Variants in TBX15 observed in about 807,000 individuals in gnomAD.
TBX15 encodes T-box transcription factor TBX15.
Under a neutral mutation model 53.9 loss-of-function variants are expected in TBX15, and 18 were observed. The observed-to-expected ratio is 0.33, with a 90% CI of 0.23 to 0.49. The LOEUF (loss-of-function observed/expected upper bound fraction) is 0.49, where lower values mean the gene tolerates loss of function less well. Among genes scored for constraint, TBX15 ranks in the 20% least tolerant of loss-of-function variants. TBX15 has a pLI of 0.98. For synonymous variants in TBX15, 295 were observed against 278.0 expected, an observed-to-expected ratio of 1.06 and a Z score of -0.61; for missense variants, 692 against 749.5, an observed-to-expected ratio of 0.92 and a Z score of 0.90.
intron 1 of TBX15, among the ~76,000 whole-genome samples, chr1:118,942,169 C>T (rs1022147684): frequency 3.3e-5 from 5 of 152,046 alleles, no homozygotes; most frequent in Admixed American, 2.6e-4. Context: ...GATGCAAAGG[C>T]AGAAATGGGG....
intron 6 of TBX15, among the ~76,000 whole-genome samples, chr1:118,908,438 T>C (rs1654914547): frequency 6.7e-6 from 1 of 150,292 alleles, no homozygotes; most frequent in Non-Finnish European, 1.5e-5. Context: ...AACAGGCAAG[T>C]GTTACTGTCT....
intron 5 of TBX15, among the ~76,000 whole-genome samples, chr1:118,916,689 C>T (rs1361563453): frequency 1.3e-5 from 2 of 151,932 alleles, no homozygotes; most frequent in East Asian, 1.9e-4. Flanking sequence ...CATGATGAAA[C>T]ACCATCTCTA....
intron 1 of TBX15, among the ~76,000 whole-genome samples, chr1:118,947,733 T>C (rs1252091858): frequency 6.6e-6 from 1 of 152,218 alleles, no homozygotes; most frequent in Non-Finnish European, 1.5e-5. Flanking sequence ...ATACTTGCAG[T>C]GCCCATTAGA....
upstream of TBX15, among the ~76,000 whole-genome samples, chr1:118,989,105 G>C (rs1657952413): frequency 6.6e-6 from 1 of 152,212 alleles, no homozygotes; most frequent in Non-Finnish European, 1.5e-5. Flanking sequence ...CGCTTCGCCT[G>C]TTCCGGGCTC....
intron 1 of TBX15, among the ~76,000 whole-genome samples, chr1:118,943,007 A>T (rs747447973): frequency 6.6e-6 from 1 of 152,176 alleles, no homozygotes; most frequent in Non-Finnish European, 1.5e-5. Context: ...AAAGATTACA[A>T]ACCTCCTTTA....
chr1:118,895,496 A>T (rs1429248055), intron 7 of TBX15, among the ~76,000 whole-genome samples: 1 of 152,154 alleles, frequency 6.6e-6, no homozygotes, highest in Admixed American at 6.5e-5. Context: ...CAACAACAGG[A>T]TTGCATTGTA....
chr1:118,954,859 T>A lies in TBX15; in HGVS notation c.206-23027A>T, dbSNP rs1656628861. Among the ~76,000 whole-genome samples, 2 of 152,198 alleles carry A rather than the reference T, an allele frequency of 1.3e-5. 1 individual carries two copies. Among genetic ancestry groups the A allele is most frequent in the South Asian group, 4.1e-4 (2 of 4,836 alleles). ...CAGCTGGAAGCACTGCATGATTTTA[T>A]AGGCCCTTGTTGAGCATACCCCTCA... On this transcript the variant is annotated intron_variant, in intron 1 of 7. Transcript: ENST00000369429.
At chr1:118,908,784 A>C (rs1224132110) in intron 6 of TBX15, among the ~76,000 whole-genome samples, 1 of 151,742 alleles carries the variant, frequency 6.6e-6, no homozygotes, top group African/African-American at 2.4e-5. Flanking sequence ...ACACACTCAC[A>C]CATATATAGG....
chr1:118,885,145 C>A lies in TBX15; in HGVS notation c.1396G>T (p.Gly466Cys). 1 of 1,614,158 alleles carries A rather than the reference C, an allele frequency of 6.2e-7. No homozygotes were observed. Among genetic ancestry groups the A allele is most frequent in the African/African-American group, 1.3e-5 (1 of 75,036 alleles). ...GTGGGAAAGGACCCCAGCTGGCCAC[C>A]GTAGGCTTCCATCTTGCTGTTGCCA... ...LPGNSKMEAY[G>C]GQLGSFPTSQ... is the part of the protein sequence containing the mutation. The change falls in exon 8 of 8, where the codon GGT becomes TGT. Residue 466 changes from glycine (G) to cysteine (C), a missense_variant. Gly to Cys is a radical substitution (Grantham distance 159). Transcript: ENST00000369429.
intron 6 of TBX15, among the ~76,000 whole-genome samples, chr1:118,902,450 A>C (rs555533248): frequency 1.3e-4 from 20 of 152,278 alleles, no homozygotes; most frequent in African/African-American, 4.8e-4. Context: ...ATCTCAAATG[A>C]TATGCATTGA....
chr1:118,905,374 A>G (rs1240222412), intron 6 of TBX15, among the ~76,000 whole-genome samples: 1 of 152,236 alleles, frequency 6.6e-6, no homozygotes, highest in Non-Finnish European at 1.5e-5. Flanking sequence ...ATGATCGCCA[A>G]TTTTCTCTGG....
At chr1:118,942,066 A>G (rs1656194765) in intron 1 of TBX15, among the ~76,000 whole-genome samples, 1 of 152,224 alleles carries the variant, frequency 6.6e-6, no homozygotes, top group African/African-American at 2.4e-5. Flanking sequence ...TATCTAAGAG[A>G]AATGGCAACA....
At chr1:118,979,007 C>G (rs911095371) in intron 1 of TBX15, among the ~76,000 whole-genome samples, 1 of 152,154 alleles carries the variant, frequency 6.6e-6, no homozygotes, top group African/African-American at 2.4e-5. Context: ...CTAAACCACC[C>G]GAGGCACCTA....
At chr1:118,917,611 T>A (rs889735799) in intron 5 of TBX15, among the ~76,000 whole-genome samples, 2 of 152,192 alleles carry the variant, frequency 1.3e-5, no homozygotes, top group African/African-American at 4.8e-5. Context: ...AGGCCCTATG[T>A]AAGCATGAAT....
chr1:118,963,868 C>T (rs1476712486), intron 1 of TBX15, among the ~76,000 whole-genome samples: 1 of 152,222 alleles, frequency 6.6e-6, no homozygotes, highest in Non-Finnish European at 1.5e-5. Flanking sequence ...CACACTGGAG[C>T]CTGTCCTCTT....
chr1:118,973,078 G>A (rs1466059925), intron 1 of TBX15, among the ~76,000 whole-genome samples: 1 of 152,176 alleles, frequency 6.6e-6, no homozygotes, highest in Non-Finnish European at 1.5e-5. Context: ...TTGACATGAT[G>A]TATGTACCAG....
chr1:118,955,021 T>C (rs1169958798), intron 1 of TBX15, among the ~76,000 whole-genome samples: 1 of 152,200 alleles, frequency 6.6e-6, no homozygotes, highest in East Asian at 1.9e-4. Flanking sequence ...GTGAAGAATG[T>C]AAGCCACCTT....
intron 1 of TBX15, among the ~76,000 whole-genome samples, chr1:118,939,934 T>C (rs1311166996): frequency 6.6e-6 from 1 of 151,870 alleles, no homozygotes; most frequent in Non-Finnish European, 1.5e-5. Flanking sequence ...CCATTTTATA[T>C]ATAAGAAACC....
At chr1:118,972,400 A>G (rs1031650105) in intron 1 of TBX15, among the ~76,000 whole-genome samples, 4 of 152,202 alleles carry the variant, frequency 2.6e-5, no homozygotes, top group Non-Finnish European at 5.9e-5. Flanking sequence ...AAAGTAGAAT[A>G]AACTTTCTTT....
Sources: gnomAD v4.1 joint callset for allele counts (sites outside exome capture counted in the v4.1 genomes callset) on GRCh38, gnomAD v4.1.1 for gene constraint, MANE v1.5 for transcripts, NCBI Gene and HGNC (gene_info 2026-07-23, HGNC 2026-07-21) for gene names.